CA10: variants seen among roughly 807,000 people sequenced by gnomAD.
CA10 encodes carbonic anhydrase-related protein 10.
A neutral mutation model predicts 44.2 loss-of-function variants in CA10; 14 were observed. That is an observed-to-expected ratio of 0.32 (90% CI 0.21 to 0.50). The LOEUF (loss-of-function observed/expected upper bound fraction) is 0.50. Ranked by LOEUF, CA10 falls within the 20% of genes least tolerant of loss-of-function variation. The probability of loss-of-function intolerance (pLI) is 0.99; values close to 1 mark genes in which losing one functional copy is unlikely to be tolerated. For synonymous variants in CA10, 159 were observed against 141.6 expected (o/e 1.12, Z -0.87); for missense variants, 350 against 409.7 (o/e 0.85, Z 1.26).
At chr17:52,001,239 C>A (rs1985415139) in intron 2 of CA10, among the ~76,000 whole-genome samples, 1 of 151,972 alleles carries the variant, frequency 6.6e-6, no homozygotes, top group East Asian at 1.9e-4. Context: ...GAATATGCAA[C>A]AGAGGCCTGT....
In CA10 at chr17:52,158,266, G is replaced by T. The variant is rs1460897104; in HGVS notation, c.-480C>A. Reference sequence around the variant, plus strand: ...CCGGGCTCCCGGGAGCGCGTAGCTCGCTGGCTAAGCCCAGGCAGTCCGCGG... The same window carrying T: ...CCGGGCTCCCGGGAGCGCGTAGCTCTCTGGCTAAGCCCAGGCAGTCCGCGG... On this transcript the variant is annotated 5_prime_UTR_variant, in exon 1 of 9. Transcript: ENST00000451037. 3.5e-5 allele frequency: 8 copies of T among 227,518 alleles called. No individual in the cohort carries two copies. The highest frequency in any genetic ancestry group is 1.1e-4 in the Admixed American group (2 of 18,906). 14.1% of individuals were successfully genotyped at this position (227,518 alleles called of 1,614,324 possible).
chr17:51,836,802 G>C (rs1040411781), intron 3 of CA10, among the ~76,000 whole-genome samples: 2 of 152,136 alleles, frequency 1.3e-5, no homozygotes, highest in African/African-American at 4.8e-5. Context: ...TTGATGGGGA[G>C]GGGTTTGATA....
chr17:52,019,041 C>A (rs1323808593), intron 2 of CA10, among the ~76,000 whole-genome samples: 2 of 152,082 alleles, frequency 1.3e-5, no homozygotes, highest in African/African-American at 4.8e-5. Flanking sequence ...TTTCCTTCCA[C>A]CATGATTGGA....
chr17:51,743,771 T>G (rs1379729022), intron 4 of CA10, among the ~76,000 whole-genome samples: 1 of 152,220 alleles, frequency 6.6e-6, no homozygotes, highest in Admixed American at 6.5e-5. Context: ...CATGCTTTCT[T>G]GCTAGAAGTG....
chr17:51,756,300 G>A (rs1350526170), intron 3 of CA10, among the ~76,000 whole-genome samples: 1 of 152,084 alleles, frequency 6.6e-6, no homozygotes, highest in Non-Finnish European at 1.5e-5. Flanking sequence ...CATATGAGGA[G>A]ACAGAAGCTC....
At chr17:51,998,635 T>C (rs980980897) in intron 2 of CA10, among the ~76,000 whole-genome samples, 3 of 152,070 alleles carry the variant, frequency 2.0e-5, no homozygotes, top group Non-Finnish European at 4.4e-5. Context: ...AACTTATTTA[T>C]ATTTATTTGT....
intron 2 of CA10, among the ~76,000 whole-genome samples, chr17:51,939,957 G>A (rs1009611086): frequency 2.5e-4 from 38 of 151,926 alleles, no homozygotes; most frequent in African/African-American, 7.7e-4. Flanking sequence ...TCTCATTTAA[G>A]ATGGCCTTTC....
chr17:51,923,614 C>T (rs1982315420), intron 3 of CA10, among the ~76,000 whole-genome samples: 1 of 152,060 alleles, frequency 6.6e-6, no homozygotes, highest in Admixed American at 6.6e-5. Flanking sequence ...TGTGGACATG[C>T]CGTGAATGGC....
chr17:51,704,883 A>C (rs1159349532), intron 4 of CA10, among the ~76,000 whole-genome samples: 1 of 151,880 alleles, frequency 6.6e-6, no homozygotes, highest in Non-Finnish European at 1.5e-5. Context: ...GAATCGCTTG[A>C]AGCTGGGAGG....
chr17:52,049,922 C>T (rs1320611513), intron 2 of CA10, among the ~76,000 whole-genome samples: 2 of 152,038 alleles, frequency 1.3e-5, no homozygotes, highest in Non-Finnish European at 2.9e-5. Flanking sequence ...CACAAATACT[C>T]GCCATTATGC....
In CA10 at chr17:52,067,328, G is replaced by T. The variant is rs562169498; in HGVS notation, c.136+4991C>A. ...CAAAGGGTGCAAGCCCCAGGCCTTG[G>T]TGGCTTACATGTGGTGTTGGGCCTG... is the stretch of plus-strand genomic sequence containing the variant. On this transcript the variant is annotated intron_variant, in intron 2 of 8. Transcript: ENST00000451037. Among the ~76,000 whole-genome samples, 38 of 152,362 alleles carry T rather than the reference G, an allele frequency of 2.5e-4. No homozygotes were observed. The South Asian group carries it at 3.5e-3, about 14-fold the overall frequency.
intron 3 of CA10, among the ~76,000 whole-genome samples, chr17:51,861,875 G>T (rs562741427): frequency 1.6e-4 from 24 of 152,124 alleles, no homozygotes; most frequent in Non-Finnish European, 2.6e-4. Flanking sequence ...ATCACCAAAG[G>T]CTATATCTGA....
At chr17:51,687,650 A>T (rs893213483) in intron 4 of CA10, among the ~76,000 whole-genome samples, 1 of 152,238 alleles carries the variant, frequency 6.6e-6, no homozygotes, top group African/African-American at 2.4e-5. Context: ...GAACAAAGAC[A>T]TCACTGTGGT....
chr17:52,066,750 C>T lies in CA10; in HGVS notation c.136+5569G>A, dbSNP rs148862295. Among the ~76,000 whole-genome samples the T allele has an allele frequency of 4.9e-3, 745 of 152,140 alleles. 4 individuals carry two copies. The highest frequency in any genetic ancestry group is 0.016 in the African/African-American group (676 of 41,510). ...TGAAGATAAAAAAACTTGTTGGAAA[C>T]GGGTATAAAGGTGACTCTTGCTATG... On this transcript the variant is annotated intron_variant, in intron 2 of 8. Coordinates refer to ENST00000451037, the MANE Select transcript of CA10 (RefSeq NM_020178.5).
chr17:52,018,194 C>T (rs1986028482), intron 2 of CA10, among the ~76,000 whole-genome samples: 1 of 152,072 alleles, frequency 6.6e-6, no homozygotes, highest in Admixed American at 6.6e-5. Flanking sequence ...GGGTTGGAGC[C>T]CCCATACAAA....
chr17:51,675,206 C>T (rs1914576782), intron 4 of CA10, among the ~76,000 whole-genome samples: 1 of 152,128 alleles, frequency 6.6e-6, no homozygotes, highest in Non-Finnish European at 1.5e-5. Context: ...GAGTAATTAG[C>T]ATAATTGTCA....
At chr17:51,705,397 C>T (rs1349248429) in intron 4 of CA10, among the ~76,000 whole-genome samples, 1 of 152,184 alleles carries the variant, frequency 6.6e-6, no homozygotes, top group African/African-American at 2.4e-5. Context: ...CTTAGTTTAA[C>T]ATCTGGCTGC....
At chr17:51,907,031 C>A (rs1292671976) in intron 3 of CA10, among the ~76,000 whole-genome samples, 1 of 152,176 alleles carries the variant, frequency 6.6e-6, no homozygotes, top group East Asian at 1.9e-4. Flanking sequence ...TGTACCAAGT[C>A]TTTCCAATAT....
rs73987407 is a variant in CA10, at chr17:52,081,990, A to G, written c.62-9597T>C. Among the ~76,000 whole-genome samples, 630 of 151,750 alleles carry G rather than the reference A, an allele frequency of 4.2e-3. 3 individuals carry two copies. The highest frequency in any genetic ancestry group is 0.014 in the African/African-American group (580 of 41,256). Reference sequence around the variant, plus strand: ...ATTTGGGAGCATCTTCAGTCTCCTCATGGCTGCAACACTTTCTTTGTATAT... The same window carrying G: ...ATTTGGGAGCATCTTCAGTCTCCTCGTGGCTGCAACACTTTCTTTGTATAT... On this transcript the variant is annotated intron_variant, in intron 1 of 8. Transcript: ENST00000451037.
Sources: gnomAD v4.1 joint callset for allele counts (sites outside exome capture counted in the v4.1 genomes callset) on GRCh38, gnomAD v4.1.1 for gene constraint, MANE v1.5 for transcripts, NCBI Gene and HGNC (gene_info 2026-07-23, HGNC 2026-07-21) for gene names.